Variants in DCC observed in about 807,000 individuals in gnomAD.
DCC encodes netrin receptor DCC.
Under a neutral mutation model 172.5 loss-of-function variants are expected in DCC, and 58 were observed. That is an observed-to-expected ratio of 0.34 (90% CI 0.27 to 0.42). DCC has a LOEUF of 0.42. Among genes scored for constraint, DCC ranks in the 10% least tolerant of loss-of-function variants. The pLI is 1.00. For missense variants in DCC, 1,740 were observed against 1,791.0 expected, an observed-to-expected ratio of 0.97 and a Z score of 0.51; for synonymous variants, 709 against 644.5, an observed-to-expected ratio of 1.10 and a Z score of -1.52.
intron 2 of DCC, among the ~76,000 whole-genome samples, chr18:52,857,797 TGTCA>T (rs559242026): frequency 8.5e-4 from 129 of 152,338 alleles, no homozygotes; most frequent in African/African-American, 3.0e-3. Context: ...AAAAGGTCGC[TGTCA>T]GTCTGTGGGC....
At chr18:53,471,959 A>C (rs576146769) in intron 25 of DCC, among the ~76,000 whole-genome samples, 1 of 152,080 alleles carries the variant, frequency 6.6e-6, no homozygotes, top group South Asian at 2.1e-4. Flanking sequence ...GATTATGCCT[A>C]TTTTGGTCAT....
intron 2 of DCC, among the ~76,000 whole-genome samples, chr18:52,774,506 C>T (rs2037394660): frequency 6.6e-6 from 1 of 152,232 alleles, no homozygotes; most frequent in Non-Finnish European, 1.5e-5. Context: ...CCATTACTCC[C>T]AAGGTAAAAG....
chr18:53,512,016 C>T (rs1296919293), intron 27 of DCC, among the ~76,000 whole-genome samples: 1 of 152,170 alleles, frequency 6.6e-6, no homozygotes. Context: ...GGGGGCAGGG[C>T]ACAGACAAAA....
At chr18:52,583,942 A>G (rs776543034) in intron 1 of DCC, among the ~76,000 whole-genome samples, 2 of 151,994 alleles carry the variant, frequency 1.3e-5, no homozygotes, top group Non-Finnish European at 2.9e-5. Context: ...CTCTTTATGT[A>G]TTTTGCATTC....
intron 3 of DCC, among the ~76,000 whole-genome samples, chr18:52,917,137 C>CAAAAAAAAAAAAAAAAAAAA (rs146388621): frequency 2.1e-5 from 2 of 94,820 alleles, no homozygotes; most frequent in East Asian, 3.0e-4. Context: ...AAAAAGAAAA[C>CAAAAAAAAAAAAAAAAAAAA]AAAAAAAAAA....
chr18:53,047,175 A>G (rs1297997475), intron 5 of DCC, among the ~76,000 whole-genome samples: 6 of 139,038 alleles, frequency 4.3e-5, no homozygotes, highest in Non-Finnish European at 9.2e-5. Context: ...AAGCTCTTAC[A>G]ATTTCCAATG....
At chr18:53,313,134 T>TA (rs1404135920) in intron 13 of DCC, among the ~76,000 whole-genome samples, 6 of 152,074 alleles carry the variant, frequency 3.9e-5, no homozygotes, top group African/African-American at 1.2e-4. Flanking sequence ...GATCTTCTGA[T>TA]ATCAGCTATC....
chr18:53,296,544 G>T (rs1398343679), intron 12 of DCC, among the ~76,000 whole-genome samples: 7 of 152,192 alleles, frequency 4.6e-5, no homozygotes, highest in African/African-American at 1.7e-4. Flanking sequence ...TGAGATGGGT[G>T]TGAGCAGTGT....
At chr18:52,959,715 T>A in intron 5 of DCC, among the ~76,000 whole-genome samples, 1 of 152,258 alleles carries the variant, frequency 6.6e-6, no homozygotes, top group African/African-American at 2.4e-5. Flanking sequence ...AAATAATATT[T>A]ATTCATAATG....
chr18:52,485,382 A>G (rs1029141630), intron 1 of DCC, among the ~76,000 whole-genome samples: 3 of 152,274 alleles, frequency 2.0e-5, no homozygotes, highest in Admixed American at 6.5e-5. Flanking sequence ...TCAGTTATCC[A>G]TCATCGCAAT....
At chr18:52,756,037 G>A (rs1316029189) in intron 2 of DCC, among the ~76,000 whole-genome samples, 1 of 152,146 alleles carries the variant, frequency 6.6e-6, no homozygotes, top group Non-Finnish European at 1.5e-5. Flanking sequence ...AAAGTAACAG[G>A]CTACTGACTC....
chr18:53,479,947 T>C (rs994702887), intron 25 of DCC, among the ~76,000 whole-genome samples: 1 of 152,186 alleles, frequency 6.6e-6, no homozygotes, highest in African/African-American at 2.4e-5. Flanking sequence ...CACAATTTGT[T>C]GTGGAAATCT....
rs145520345 is a variant in DCC, at chr18:52,832,188, G to A, written c.413-73856G>A. 3.0e-4 allele frequency among the ~76,000 whole-genome samples: 45 copies of A among 152,296 alleles called. No individual in the cohort carries two copies. The East Asian group carries it at 8.3e-3, about 28-fold the overall frequency. ...ACATGATGGCACCAGCCACTTGGTA[G>A]TGACTGATTGGTATGCTATGCTGCA... On this transcript the variant is annotated intron_variant, in intron 2 of 28. Coordinates refer to ENST00000442544, the MANE Select transcript of DCC (RefSeq NM_005215.4).
At chr18:53,066,351 G>GTGTATGTATATATATATA (rs767517577) in intron 7 of DCC, among the ~76,000 whole-genome samples, 185 bp downstream of exon 7, 2 of 90,174 alleles carry the variant, frequency 2.2e-5, no homozygotes, top group Non-Finnish European at 4.8e-5. Flanking sequence ...GTGTACATGT[G>GTGTATGTATATATATATA]TGTATATATA....
chr18:52,600,392 G>T lies in DCC; in HGVS notation c.92-151662G>T, dbSNP rs575068074. On this transcript the variant is annotated intron_variant, in intron 1 of 28. Coordinates refer to ENST00000442544, the MANE Select transcript of DCC (RefSeq NM_005215.4). ...TGCACTCTTTTGCTAGTACCATGCT[G>T]TCTATATTATTGTAGCTTTATTATA... 1.9e-3 allele frequency among the ~76,000 whole-genome samples: 293 copies of T among 152,292 alleles called. 1 individual carries two copies. Among genetic ancestry groups the T allele is most frequent in the African/African-American group, 6.9e-3 (285 of 41,576 alleles).
chr18:53,512,101 G>A (rs1032182035), intron 27 of DCC, among the ~76,000 whole-genome samples: 3 of 152,092 alleles, frequency 2.0e-5, no homozygotes, highest in Admixed American at 1.3e-4. Context: ...CTCCCAGCAC[G>A]CAGCTGGAGA....
chr18:52,411,224 G>A (rs1056889134), intron 1 of DCC, among the ~76,000 whole-genome samples: 1 of 152,112 alleles, frequency 6.6e-6, no homozygotes, highest in Non-Finnish European at 1.5e-5. Flanking sequence ...TCTTCAGGAT[G>A]ACTTCCCAGT....
chr18:52,514,855 C>T (rs924526076), intron 1 of DCC, among the ~76,000 whole-genome samples: 4 of 152,096 alleles, frequency 2.6e-5, no homozygotes, highest in African/African-American at 9.7e-5. Context: ...TGTACCCTAT[C>T]AGTAAAAATG....
chr18:53,205,027 T>G (rs1013922911), intron 9 of DCC, among the ~76,000 whole-genome samples, 189 bp from the exon 10 acceptor site: 11 of 152,230 alleles, frequency 7.2e-5, no homozygotes, highest in African/African-American at 2.7e-4. Context: ...AGCTTTCTTA[T>G]GAATTTTAAA....
Sources: gnomAD v4.1 joint callset for allele counts (sites outside exome capture counted in the v4.1 genomes callset) on GRCh38, gnomAD v4.1.1 for gene constraint, MANE v1.5 for transcripts, NCBI Gene and HGNC (gene_info 2026-07-23, HGNC 2026-07-21) for gene names.